Variants in FGF12 observed in about 807,000 individuals in gnomAD.
The protein encoded by FGF12 is fibroblast growth factor 12B.
FGF12 carries 14 observed loss-of-function variants against 23.6 expected under a neutral mutation model. The observed-to-expected ratio is 0.59, with a 90% CI of 0.39 to 0.93. The LOEUF (loss-of-function observed/expected upper bound fraction) is 0.93. FGF12 is among the 40% of genes least tolerant of loss of function. The pLI, the probability that FGF12 is intolerant of heterozygous loss-of-function variation, is 0.00. For synonymous variants in FGF12, 62 were observed against 77.3 expected (o/e 0.80, Z 1.04); for missense variants, 175 against 217.8 (o/e 0.80, Z 1.24).
intron 2 of FGF12, among the ~76,000 whole-genome samples, chr3:192,550,198 G>A (rs1452374231): frequency 6.8e-6 from 1 of 146,670 alleles, no homozygotes; most frequent in Non-Finnish European, 1.5e-5. Flanking sequence ...AGGATGTGAG[G>A]TGTATCAGAG....
chr3:192,324,406 C>T (rs776784561), intron 4 of FGF12, among the ~76,000 whole-genome samples: 47 of 152,200 alleles, frequency 3.1e-4, no homozygotes, highest in Middle Eastern at 3.4e-3. Context: ...GAGGGTACAC[C>T]AAGCATCTTT....
At chr3:192,184,114 C>T (rs917788916) in intron 4 of FGF12, among the ~76,000 whole-genome samples, 6 of 152,092 alleles carry the variant, frequency 3.9e-5, no homozygotes, top group Non-Finnish European at 5.9e-5. Context: ...GTTGCAGCTA[C>T]TCAGGAGACT....
At chr3:192,392,623 AGAGAG>A (rs1576942959) in intron 2 of FGF12, among the ~76,000 whole-genome samples, 2 of 118,170 alleles carry the variant, frequency 1.7e-5, no homozygotes, top group East Asian at 5.8e-4. Flanking sequence ...AGAGAGAGAG[AGAGAG>A]AGAGAGGAAG....
rs187759249 is a variant in FGF12 at position 192,316,561 on chromosome 3, C to A, written c.228+18800G>T. On this transcript the variant is annotated intron_variant, in intron 4 of 5. Transcript: ENST00000445105. ...AACTTGCCGGTGCCCAGATAGGGGGCACCTAGACCAGCCCTAGCCAGAGGT... is the reference window on the plus strand; with the variant it reads ...AACTTGCCGGTGCCCAGATAGGGGGAACCTAGACCAGCCCTAGCCAGAGGT... 3.9e-5 allele frequency among the ~76,000 whole-genome samples: 6 copies of A among 152,288 alleles called. No homozygotes were observed. The East Asian group carries it at 1.2e-3, about 29-fold the overall frequency.
At position 192,442,137 on chromosome 3, in the gene FGF12, C is replaced by T. The variant is rs556866500; in HGVS notation, c.14-81599G>A. 1.8e-3 allele frequency among the ~76,000 whole-genome samples: 273 copies of T among 152,246 alleles called. 1 individual carries two copies. The highest frequency in any genetic ancestry group is 6.4e-3 in the African/African-American group (264 of 41,546). Reference sequence around the variant, plus strand: ...AGGACCTGTAGTGCAAAATAAACTGCCAGAGGTGAATGATTCAAAGAAGTC... The same window carrying T: ...AGGACCTGTAGTGCAAAATAAACTGTCAGAGGTGAATGATTCAAAGAAGTC... On this transcript the variant is annotated intron_variant, in intron 2 of 5. Coordinates refer to ENST00000445105, the MANE Select transcript of FGF12 (RefSeq NM_004113.6).
At chr3:192,719,970 G>A (rs1171560217) in intron 2 of FGF12, among the ~76,000 whole-genome samples, 1 of 152,212 alleles carries the variant, frequency 6.6e-6, no homozygotes, top group Non-Finnish European at 1.5e-5. Context: ...CCTGTTTCAC[G>A]TGGGTGATAA....
chr3:192,580,362 G>A (rs1427500852), intron 2 of FGF12, among the ~76,000 whole-genome samples: 1 of 151,188 alleles, frequency 6.6e-6, no homozygotes, highest in Non-Finnish European at 1.5e-5. Flanking sequence ...TATAAAAAAT[G>A]ATTAGAGATG....
chr3:192,170,678 A>G (rs778362205), intron 4 of FGF12, 22 bp from the exon 5 acceptor site: 2 of 1,548,376 alleles, frequency 1.3e-6, no homozygotes, highest in Admixed American at 2.0e-5. Flanking sequence ...AAAAAAAAAG[A>G]CACAAAAAAG....
chr3:192,423,865 C>T (rs757855184), intron 2 of FGF12, among the ~76,000 whole-genome samples: 7 of 152,074 alleles, frequency 4.6e-5, no homozygotes, highest in Non-Finnish European at 1.0e-4. Flanking sequence ...GCCTCACAAC[C>T]ACTCAGTAAG....
intron 4 of FGF12, among the ~76,000 whole-genome samples, chr3:192,176,459 AGC>A (rs1056123730): frequency 2.6e-5 from 4 of 152,350 alleles, no homozygotes; most frequent in Non-Finnish European, 5.9e-5. Context: ...CAAGCAATTC[AGC>A]GCCCAGTTTA....
At chr3:192,266,498 C>A (rs1713086510) in intron 4 of FGF12, among the ~76,000 whole-genome samples, 1 of 151,976 alleles carries the variant, frequency 6.6e-6, no homozygotes, top group African/African-American at 2.4e-5. Context: ...TTTCTCCAAC[C>A]AGTATCAAAT....
In FGF12 at chr3:192,140,444, T is replaced by C. The variant is rs1713307157; in HGVS notation, c.*3565A>G. 1 of 151,986 alleles carries C rather than the reference T, an allele frequency of 6.6e-6. No individual in the cohort carries two copies. The highest frequency in any genetic ancestry group is 1.5e-5 in the Non-Finnish European group (1 of 67,888). The allele number at this position is 151,986 out of a possible 1,614,324, so 9.4% of individuals were successfully genotyped here. A position where few individuals can be genotyped will look rare whatever the true frequency, so the allele number is the denominator to read the frequency against. On this transcript the variant is annotated 3_prime_UTR_variant, in exon 6 of 6. Transcript: ENST00000445105. ...GTATGAGGGTGAAATCGATTTGCTA[T>C]TTCTGGGTCTATGTTTTTAAAAAAT...
chr3:192,454,388 T>A (rs2108803342), intron 2 of FGF12, among the ~76,000 whole-genome samples: 1 of 152,258 alleles, frequency 6.6e-6, no homozygotes, highest in East Asian at 1.9e-4. Context: ...ACAGTCCTTA[T>A]CAAAAACACA....
intron 2 of FGF12, among the ~76,000 whole-genome samples, chr3:192,479,615 GGGGA>G (rs1423156051): frequency 6.6e-6 from 1 of 152,032 alleles, no homozygotes; most frequent in Non-Finnish European, 1.5e-5. Flanking sequence ...GAGTAAGGTG[GGGGA>G]GAAAAATAGC....
intron 2 of FGF12, among the ~76,000 whole-genome samples, chr3:192,714,599 A>C (rs1718803093): frequency 6.8e-6 from 1 of 147,148 alleles, no homozygotes; most frequent in African/African-American, 2.6e-5. Context: ...GCTCACTGCA[A>C]GCTCCGCCTC....
chr3:192,398,699 T>C (rs1720631642), intron 2 of FGF12, among the ~76,000 whole-genome samples: 1 of 152,194 alleles, frequency 6.6e-6, no homozygotes, highest in African/African-American at 2.4e-5. Flanking sequence ...TATAGCTCCC[T>C]TGTTTTTCAA....
chr3:192,356,487 C>A (rs1718477706), intron 3 of FGF12, among the ~76,000 whole-genome samples: 1 of 150,670 alleles, frequency 6.6e-6, no homozygotes, highest in African/African-American at 2.5e-5. Flanking sequence ...CTATTAATAC[C>A]CTCCAAACTG....
chr3:192,330,895 A>T (rs565928517), intron 4 of FGF12, among the ~76,000 whole-genome samples: 1 of 152,298 alleles, frequency 6.6e-6, no homozygotes, highest in East Asian at 1.9e-4. Flanking sequence ...TATCAACAGA[A>T]ACAACTAACA....
At chr3:192,376,002 T>C (rs1007239137) in intron 2 of FGF12, among the ~76,000 whole-genome samples, 4 of 152,178 alleles carry the variant, frequency 2.6e-5, no homozygotes, top group African/African-American at 4.8e-5. Context: ...CAGGTGTGGA[T>C]TGTTTTAAGA....
Sources: allele counts gnomAD v4.1 joint callset (sites outside exome capture counted in the v4.1 genomes callset), GRCh38; gene constraint gnomAD v4.1.1; transcripts MANE v1.5; gene names NCBI Gene and HGNC (gene_info 2026-07-23, HGNC 2026-07-21).